AGAP1: variants seen among roughly 807,000 people sequenced by gnomAD.
The protein encoded by AGAP1 is arf-GAP with GTPase, ANK repeat and PH domain-containing protein 1.
AGAP1 carries 29 observed loss-of-function variants against 105.3 expected under a neutral mutation model. That is an observed-to-expected ratio of 0.28 (90% CI 0.21 to 0.38). AGAP1 has a LOEUF of 0.38. Among genes scored for constraint, AGAP1 ranks in the 10% least tolerant of loss-of-function variants. The pLI, the probability that AGAP1 is intolerant of heterozygous loss-of-function variation, is 1.00. For synonymous variants in AGAP1, 509 were observed against 485.9 expected (o/e 1.05, Z -0.63); for missense variants, 998 against 1,165.1 (o/e 0.86, Z 2.09).
chr2:235,686,665 A>ATATATTT (rs1369766503), intron 1 of AGAP1, among the ~76,000 whole-genome samples: 4 of 77,496 alleles, frequency 5.2e-5, no homozygotes, highest in Admixed American at 1.8e-4. Context: ...ATATATATAT[A>ATATATTT]TTTTTTTTTT....
At chr2:235,980,587 G>C (rs1180379725) in intron 13 of AGAP1, among the ~76,000 whole-genome samples, 5 of 152,196 alleles carry the variant, frequency 3.3e-5, no homozygotes, top group Non-Finnish European at 5.9e-5. Flanking sequence ...ACTGTGTTCA[G>C]GTTCCCGGAT....
chr2:236,029,870 C>T (rs2057173523), intron 13 of AGAP1, among the ~76,000 whole-genome samples: 2 of 152,072 alleles, frequency 1.3e-5, no homozygotes, highest in South Asian at 4.2e-4. Flanking sequence ...TCCCAAGTAG[C>T]TGGGACTACA....
chr2:235,864,474 G>A lies in AGAP1; in HGVS notation c.1051-18871G>A, dbSNP rs1045791134. Reference sequence around the variant, plus strand: ...CTCCAGGGCGGTCTGGGTGGGAGGAGGAGGTGGGCGGCCGGAAGGTGGTTG... The same window carrying A: ...CTCCAGGGCGGTCTGGGTGGGAGGAAGAGGTGGGCGGCCGGAAGGTGGTTG... On this transcript the variant is annotated intron_variant, in intron 9 of 17. Transcript: ENST00000304032. This position sits in a 1 kb window ranked among gnomAD's most constrained non-coding sequence, Gnocchi z 5.0. Among the ~76,000 whole-genome samples the A allele has an allele frequency of 6.6e-6, 1 of 152,230 alleles. No homozygotes were observed. The highest frequency in any genetic ancestry group is 1.5e-5 in the Non-Finnish European group (1 of 68,046).
chr2:235,885,721 T>G (rs1002612842), intron 10 of AGAP1, among the ~76,000 whole-genome samples: 1 of 152,256 alleles, frequency 6.6e-6, no homozygotes, highest in Non-Finnish European at 1.5e-5. Context: ...CCTTGTCTTT[T>G]AGCGTAGCTA....
chr2:235,882,023 G>C lies in AGAP1; in HGVS notation c.1051-1322G>C, dbSNP rs909879018. On this transcript the variant is annotated intron_variant, in intron 9 of 17. Transcript: ENST00000304032. This position sits in a 1 kb window ranked among gnomAD's most constrained non-coding sequence, Gnocchi z 4.6. ...ATAAGGTGAGAATACAGTTAATGCA[G>C]TTTGGGTTTTTCTGGGGTTTTTTTG... Among the ~76,000 whole-genome samples, 2 of 152,158 alleles carry C rather than the reference G, an allele frequency of 1.3e-5. No individual in the cohort carries two copies. The highest frequency in any genetic ancestry group is 2.4e-5 in the African/African-American group (1 of 41,448).
rs913731236 is a variant in AGAP1, at chr2:236,053,415, C to T, written c.2114+4134C>T. ...ACCAGCAAAGCCGTCTCAGTAAACC[C>T]GTCCACGCACATCCTCTCTCCCTCG... On this transcript the variant is annotated intron_variant, in intron 16 of 17. Coordinates refer to ENST00000304032, the MANE Select transcript of AGAP1 (RefSeq NM_001037131.3). This position sits in a 1 kb window ranked among gnomAD's most constrained non-coding sequence, Gnocchi z 4.6. Among the ~76,000 whole-genome samples, 1 of 152,232 alleles carries T rather than the reference C, an allele frequency of 6.6e-6. No homozygotes were observed. The highest frequency in any genetic ancestry group is 1.5e-5 in the Non-Finnish European group (1 of 68,042).
chr2:235,548,107 A>C (rs1943686273), intron 1 of AGAP1, among the ~76,000 whole-genome samples: 1 of 152,198 alleles, frequency 6.6e-6, no homozygotes, highest in Non-Finnish European at 1.5e-5. Context: ...ATTTTAAAGC[A>C]AGAAAACAAA....
chr2:235,863,748 G>A (rs1383261554), intron 9 of AGAP1, among the ~76,000 whole-genome samples: 1 of 152,224 alleles, frequency 6.6e-6, no homozygotes, highest in Non-Finnish European at 1.5e-5. Context: ...GGGACACCTG[G>A]TTTGCAGGCT....
intron 10 of AGAP1, among the ~76,000 whole-genome samples, chr2:235,885,148 G>A (rs553963327): frequency 3.5e-4 from 53 of 152,120 alleles, no homozygotes; most frequent in Non-Finnish European, 7.1e-4. Flanking sequence ...TCACATTTTA[G>A]GGTGCATACT....
chr2:235,620,747 A>G lies in AGAP1; in HGVS notation c.164-88432A>G, dbSNP rs1559294438. Among the ~76,000 whole-genome samples, 1 of 152,244 alleles carries G rather than the reference A, an allele frequency of 6.6e-6. No homozygotes were observed. The highest frequency in any genetic ancestry group is 1.5e-5 in the Non-Finnish European group (1 of 68,054). ...TTTGCCGTTTCCCCAGCACCTAGACAGGACCTAGCCAATGCTAGGCCCTTT... is the reference window on the plus strand; with the variant it reads ...TTTGCCGTTTCCCCAGCACCTAGACGGGACCTAGCCAATGCTAGGCCCTTT... On this transcript the variant is annotated intron_variant, in intron 1 of 17. Transcript: ENST00000304032. This position sits in a 1 kb window ranked among gnomAD's most constrained non-coding sequence, Gnocchi z 4.5.
Position 235,557,581 on chromosome 2 carries a change from A to T in AGAP1, c.163+62732A>T, listed in dbSNP as rs560284252. Reference sequence around the variant, plus strand: ...ATTGGCCTTTTTTTCTGTGCCAATAACTCTCAGTGCTTAACCTGAAGAAGC... The same window carrying T: ...ATTGGCCTTTTTTTCTGTGCCAATATCTCTCAGTGCTTAACCTGAAGAAGC... On this transcript the variant is annotated intron_variant, in intron 1 of 17. Transcript: ENST00000304032. This position sits in a 1 kb window ranked among gnomAD's most constrained non-coding sequence, Gnocchi z 4.7. Among the ~76,000 whole-genome samples the T allele has an allele frequency of 1.3e-5, 2 of 152,172 alleles. No individual in the cohort carries two copies. The highest frequency in any genetic ancestry group is 1.3e-4 in the Admixed American group (2 of 15,284).
chr2:236,018,872 C>G (rs1235650247), intron 13 of AGAP1, among the ~76,000 whole-genome samples: 1 of 152,180 alleles, frequency 6.6e-6, no homozygotes, highest in Non-Finnish European at 1.5e-5. Context: ...TGGGCCAGAT[C>G]GCTGGAACCC....
chr2:235,727,721 G>A (rs535902719), intron 3 of AGAP1, among the ~76,000 whole-genome samples: 67 of 152,224 alleles, frequency 4.4e-4, no homozygotes, highest in Admixed American at 1.2e-3. Flanking sequence ...CTGTTTTATC[G>A]GTGTCAGGAA....
intron 1 of AGAP1, among the ~76,000 whole-genome samples, chr2:235,528,236 A>AG (rs904406254): frequency 1.6e-3 from 236 of 150,336 alleles, no homozygotes; most frequent in African/African-American, 5.6e-3. Flanking sequence ...TTTGCATCTG[A>AG]GGGGGAACCT....
chr2:235,669,084 G>A (rs1401260403), intron 1 of AGAP1, among the ~76,000 whole-genome samples: 1 of 152,062 alleles, frequency 6.6e-6, no homozygotes, highest in East Asian at 1.9e-4. Context: ...GTTTATCTGG[G>A]GTGAGGTTAT....
At chr2:235,838,047 G>A (rs1056657232) in intron 9 of AGAP1, among the ~76,000 whole-genome samples, 12 of 152,242 alleles carry the variant, frequency 7.9e-5, no homozygotes, top group African/African-American at 2.6e-4. Flanking sequence ...TTAGCTGGGC[G>A]TCGTGGTGTG....
At chr2:235,528,557 T>C (rs1008579059) in intron 1 of AGAP1, among the ~76,000 whole-genome samples, 5 of 152,202 alleles carry the variant, frequency 3.3e-5, no homozygotes, top group African/African-American at 1.2e-4. Flanking sequence ...GTCATTTTCC[T>C]TAAGTCAGTG....
In AGAP1 at chr2:235,718,266, T is replaced by G. The variant is rs1016575873; in HGVS notation, c.310+622T>G. ...GTGTCCCCTAACGAAGGGGTGTAGT[T>G]GACAAGCAGTTTTCTAAATGAAATT... On this transcript the variant is annotated intron_variant, in intron 3 of 17. Transcript: ENST00000304032. 6 of 603,882 alleles carry G rather than the reference T, an allele frequency of 9.9e-6. No homozygotes were observed. The South Asian group carries it at 4.4e-4, about 44-fold the overall frequency. The allele number at this position is 603,882 out of a possible 1,614,324, so 37.4% of individuals were successfully genotyped here. A position where few individuals can be genotyped will look rare whatever the true frequency, so the allele number is the denominator to read the frequency against.
At chr2:235,512,619 G>A (rs10929137) in intron 1 of AGAP1, among the ~76,000 whole-genome samples, 134,707 of 152,052 alleles carry the variant, frequency 0.89, 59,981 homozygotes, top group East Asian at 0.98. Context: ...CAATCAATCA[G>A]TCAATCCATG....
Sources: allele counts gnomAD v4.1 joint callset (sites outside exome capture counted in the v4.1 genomes callset), GRCh38; gene constraint gnomAD v4.1.1; non-coding constraint Gnocchi (gnomAD v3.1); transcripts MANE v1.5; gene names NCBI Gene and HGNC (gene_info 2026-07-23, HGNC 2026-07-21).